Variants in TENM3 observed in about 807,000 individuals in gnomAD.
TENM3 encodes the protein teneurin-3.
A neutral mutation model predicts 255.1 loss-of-function variants in TENM3; 63 were observed. The observed-to-expected ratio is 0.25, with a 90% CI of 0.20 to 0.30. The LOEUF is 0.30. Among genes scored for constraint, TENM3 ranks in the 10% least tolerant of loss-of-function variants. TENM3 has a pLI of 1.00. For missense variants in TENM3, 2,929 were observed against 3,461.1 expected (o/e 0.85, Z 3.86); for synonymous variants, 1,306 against 1,322.3 (o/e 0.99, Z 0.27).
At chr4:181,559,765 C>T in the TENM3 span, among the ~76,000 whole-genome samples, 1 of 152,184 alleles carries the variant, frequency 6.6e-6, no homozygotes, top group Non-Finnish European at 1.5e-5. Flanking sequence ...TTTTGTTTGC[C>T]TAGGAGGCTG....
chr4:181,642,095 A>T, the TENM3 span, among the ~76,000 whole-genome samples: 1 of 151,944 alleles, frequency 6.6e-6, no homozygotes, highest in Non-Finnish European at 1.5e-5. Context: ...CCAACAGTGT[A>T]AAAGCATTCC....
chr4:181,701,482 G>A, the TENM3 span, among the ~76,000 whole-genome samples: 1 of 152,058 alleles, frequency 6.6e-6, no homozygotes, highest in Non-Finnish European at 1.5e-5. Context: ...GTCAGACGAG[G>A]TAATAGCCAA....
intron 3 of TENM3, among the ~76,000 whole-genome samples, chr4:182,582,791 C>A (rs986442329): frequency 1.3e-5 from 2 of 152,114 alleles, no homozygotes; most frequent in Non-Finnish European, 2.9e-5. Context: ...GAACTATTGC[C>A]ATTCCTTCAG....
chr4:182,533,878 C>G (rs1740018893), intron 3 of TENM3, among the ~76,000 whole-genome samples: 1 of 151,712 alleles, frequency 6.6e-6, no homozygotes, highest in Admixed American at 6.6e-5. Flanking sequence ...CACTGCACCC[C>G]AGCCTGGGCG....
chr4:181,809,432 G>T, the TENM3 span, among the ~76,000 whole-genome samples: 2 of 152,126 alleles, frequency 1.3e-5, no homozygotes, highest in East Asian at 1.9e-4. Context: ...ATTATCCACG[G>T]TTCGGGTGTT....
intron 1 of TENM3, among the ~76,000 whole-genome samples, chr4:182,287,528 C>A (rs1760810713): frequency 6.6e-6 from 1 of 152,214 alleles, no homozygotes; most frequent in Admixed American, 6.5e-5. Context: ...TTTGTCCTGA[C>A]CAGCCTAGGA....
Position 182,800,445 on chromosome 4 carries a change from T to TC in TENM3, c.*97dup. On this transcript the variant is annotated 3_prime_UTR_variant, in exon 28 of 28. Transcript: ENST00000511685. ...ACTCTCCAACGCCCAAGAGCCTTCCTCCCGGGGGAATGAGACTGCTGTTAC... is the reference window on the plus strand; with the variant it reads ...ACTCTCCAACGCCCAAGAGCCTTCCTCCCCGGGGGAATGAGACTGCTGTTAC... 1.4e-6 allele frequency: 2 copies of TC among 1,404,752 alleles called. No individual in the cohort carries two copies. The highest frequency in any genetic ancestry group is 1.9e-6 in the Non-Finnish European group (2 of 1,069,200). 87.0% of individuals were successfully genotyped at this position (1,404,752 alleles called of 1,614,324 possible).
the TENM3 span, among the ~76,000 whole-genome samples, chr4:181,996,249 A>G: frequency 1.3e-5 from 2 of 152,032 alleles, no homozygotes; most frequent in Non-Finnish European, 2.9e-5. Context: ...CAGCCGTCCA[A>G]GCTGTGCAGA....
upstream of TENM3, among the ~76,000 whole-genome samples, chr4:182,240,597 C>T (rs1434177939): frequency 6.6e-6 from 1 of 152,148 alleles, no homozygotes; most frequent in African/African-American, 2.4e-5. Context: ...AGTTATCTTG[C>T]GTGCACTTTG....
intron 6 of TENM3, among the ~76,000 whole-genome samples, chr4:182,663,856 G>A (rs1047051619): frequency 1.3e-5 from 2 of 152,138 alleles, no homozygotes; most frequent in Non-Finnish European, 2.9e-5. Flanking sequence ...CTTTGAAAAA[G>A]ATTTATTACA....
At chr4:181,543,690 T>C in the TENM3 span, among the ~76,000 whole-genome samples, 1 of 152,208 alleles carries the variant, frequency 6.6e-6, no homozygotes, top group Admixed American at 6.5e-5. Context: ...AAACAGGCCC[T>C]GGCACCTCCA....
chr4:182,358,731 C>T (rs1271245139), intron 3 of TENM3, among the ~76,000 whole-genome samples: 8 of 146,694 alleles, frequency 5.5e-5, no homozygotes, highest in African/African-American at 2.0e-4. Flanking sequence ...GCCTAATTGC[C>T]CTGGCCAGAA....
chr4:181,877,820 A>G, the TENM3 span, among the ~76,000 whole-genome samples: 1 of 152,168 alleles, frequency 6.6e-6, no homozygotes, highest in Admixed American at 6.5e-5. Flanking sequence ...ACCAGTGGCC[A>G]AGAGGTTGTC....
At chr4:181,574,455 C>T in the TENM3 span, among the ~76,000 whole-genome samples, 142 of 151,128 alleles carry the variant, frequency 9.4e-4, no homozygotes, top group Non-Finnish European at 1.7e-3. Context: ...GGCGTGAACC[C>T]GGGAGGCGGA....
At chr4:182,500,031 A>C (rs937402735) in intron 3 of TENM3, among the ~76,000 whole-genome samples, 1 of 152,198 alleles carries the variant, frequency 6.6e-6, no homozygotes, top group African/African-American at 2.4e-5. Context: ...TAAGACACTT[A>C]TACGACTTCT....
chr4:181,658,755 C>T, the TENM3 span, among the ~76,000 whole-genome samples: 1 of 152,040 alleles, frequency 6.6e-6, no homozygotes, highest in African/African-American at 2.4e-5. Context: ...TTTAATTAGC[C>T]CACCTTGCAA....
chr4:182,164,753 A>G (rs11935992), intron 1 of TENM3, among the ~76,000 whole-genome samples: 19,217 of 152,158 alleles, frequency 0.13, 1,470 homozygotes, highest in South Asian at 0.21. Flanking sequence ...TCCTGGATGA[A>G]TATTTATTGG....
the TENM3 span, chr4:181,835,171 A>G: frequency 6.6e-6 from 1 of 152,154 alleles, no homozygotes; most frequent in South Asian, 2.1e-4. Flanking sequence ...AAGAAACTGA[A>G]CTAGATTTTC....
At chr4:182,261,557 G>T (rs139714900) in intron 1 of TENM3, among the ~76,000 whole-genome samples, 1 of 152,136 alleles carries the variant, frequency 6.6e-6, no homozygotes, top group Admixed American at 6.5e-5. Flanking sequence ...TAACAAATGC[G>T]CTTTTAAAGA....
Sources: allele counts gnomAD v4.1 joint callset (sites outside exome capture counted in the v4.1 genomes callset), GRCh38; gene constraint gnomAD v4.1.1; transcripts MANE v1.5; gene names NCBI Gene and HGNC (gene_info 2026-07-23, HGNC 2026-07-21).